AXDND1: variants seen among roughly 807,000 people sequenced by gnomAD.
AXDND1 encodes the protein axonemal dynein light chain domain-containing protein 1.
AXDND1 carries 110 observed loss-of-function variants against 137.5 expected under a neutral mutation model. The ratio of observed to expected loss-of-function variants is 0.80; its 90% confidence interval spans 0.69 to 0.94. The LOEUF (loss-of-function observed/expected upper bound fraction) is 0.94. Among genes scored for constraint, AXDND1 ranks in the 40% least tolerant of loss-of-function variants. The pLI is 0.00. For missense variants in AXDND1, 1,191 were observed against 1,169.8 expected (o/e 1.02, Z -0.26); for synonymous variants, 414 against 399.7 (o/e 1.04, Z -0.43).
At chr1:179,464,801 CTTTG>C (rs1412826850) in intron 16 of AXDND1, among the ~76,000 whole-genome samples, 3 of 152,260 alleles carry the variant, frequency 2.0e-5, no homozygotes, top group Non-Finnish European at 2.9e-5. Context: ...TTCTTGGAGG[CTTTG>C]TTTGTTTCTT....
chr1:179,525,208 C>T, intron 21 of AXDND1, 126 bp from the exon 22 acceptor site: 2 of 938,856 alleles, frequency 2.1e-6, no homozygotes, highest in Non-Finnish European at 3.0e-6. Flanking sequence ...CTATTCTTAT[C>T]AACCTTTGTA....
intron 11 of AXDND1, among the ~76,000 whole-genome samples, chr1:179,402,500 T>C (rs1422520647): frequency 6.6e-6 from 1 of 152,214 alleles, no homozygotes; most frequent in African/African-American, 2.4e-5. Flanking sequence ...TTAACTATAG[T>C]CTGCTCCTTT....
chr1:179,505,600 A>G (rs373031818), intron 20 of AXDND1, among the ~76,000 whole-genome samples: 1 of 151,550 alleles, frequency 6.6e-6, no homozygotes, highest in Non-Finnish European at 1.5e-5. Context: ...CCGAGCCGAG[A>G]TTGCTCCACT....
intron 12 of AXDND1, among the ~76,000 whole-genome samples, chr1:179,420,354 G>A (rs746858216): frequency 5.3e-5 from 8 of 152,092 alleles, no homozygotes; most frequent in Non-Finnish European, 8.8e-5. Flanking sequence ...CTTATATTTT[G>A]TGAGGATTTT....
At chr1:179,534,619 A>G in intron 24 of AXDND1, 111 bp from the exon 25 acceptor site, 6 of 1,360,918 alleles carry the variant, frequency 4.4e-6, no homozygotes, top group East Asian at 2.6e-5. Flanking sequence ...CCTTATTTCT[A>G]CCCTTCAGAC....
At chr1:179,398,303 G>A (rs150792902) in intron 11 of AXDND1, among the ~76,000 whole-genome samples, 19 of 152,276 alleles carry the variant, frequency 1.2e-4, no homozygotes, top group Admixed American at 2.6e-4. Context: ...CCAACTCTGG[G>A]GGACTTGTAT....
chr1:179,451,248 C>A (rs6661379), intron 16 of AXDND1: 3 of 151,806 alleles, frequency 2.0e-5, no homozygotes, highest in South Asian at 2.1e-4. Flanking sequence ...TTTTTGATTA[C>A]GGACTTAACC....
intron 4 of AXDND1, among the ~76,000 whole-genome samples, chr1:179,377,062 G>T (rs1647386263): frequency 1.3e-5 from 2 of 152,194 alleles, no homozygotes; most frequent in Middle Eastern, 6.8e-3. Flanking sequence ...CTCCCAAGCA[G>T]CTGGGACTAT....
intron 25 of AXDND1, among the ~76,000 whole-genome samples, chr1:179,549,865 G>A (rs1016060994): frequency 9.2e-5 from 14 of 151,986 alleles, no homozygotes; most frequent in African/African-American, 2.9e-4. Context: ...ATCATGCCCC[G>A]GCTGGTCCAT....
chr1:179,384,320 T>C (rs1456236277), intron 8 of AXDND1, among the ~76,000 whole-genome samples: 2 of 152,184 alleles, frequency 1.3e-5, no homozygotes, highest in Non-Finnish European at 2.9e-5. Context: ...ATCATGCCTC[T>C]TTAATACCCA....
intron 17 of AXDND1, among the ~76,000 whole-genome samples, chr1:179,472,514 G>T (rs956374688): frequency 1.2e-4 from 18 of 152,150 alleles, no homozygotes; most frequent in Non-Finnish European, 4.4e-5. Flanking sequence ...GGTCTAGTTG[G>T]TTTGTAGTAT....
At chr1:179,423,180 T>C (rs1381449579) in intron 12 of AXDND1, among the ~76,000 whole-genome samples, 1 of 143,218 alleles carries the variant, frequency 7.0e-6, no homozygotes, top group African/African-American at 2.6e-5. Context: ...ATTGAATCCT[T>C]TATAATTATA....
At chr1:179,541,985 T>C (rs193115996) in intron 25 of AXDND1, among the ~76,000 whole-genome samples, 70 of 152,314 alleles carry the variant, frequency 4.6e-4, no homozygotes, top group Admixed American at 3.7e-3. Context: ...ACATCATTTT[T>C]TAAAGGCAGA....
At chr1:179,383,378 T>C (rs1288790311) in intron 7 of AXDND1, 64 bp from the exon 8 acceptor site, 9 of 1,214,454 alleles carry the variant, frequency 7.4e-6, no homozygotes, top group Middle Eastern at 1.9e-4. Flanking sequence ...TTATATTCTT[T>C]TTGCCATTTG....
intron 21 of AXDND1, among the ~76,000 whole-genome samples, chr1:179,524,348 G>A (rs1670345829): frequency 6.6e-6 from 1 of 152,090 alleles, no homozygotes; most frequent in South Asian, 2.1e-4. Context: ...TTGCCTTTAG[G>A]ATATAATTTA....
At chr1:179,423,368 G>A (rs1656060512) in intron 12 of AXDND1, among the ~76,000 whole-genome samples, 1 of 152,066 alleles carries the variant, frequency 6.6e-6, no homozygotes, top group Non-Finnish European at 1.5e-5. Context: ...ATATTGTTGG[G>A]TCTTGTTGCT....
At chr1:179,530,651 A>C (rs1010595084) in intron 23 of AXDND1, among the ~76,000 whole-genome samples, 11 of 72,128 alleles carry the variant, frequency 1.5e-4, no homozygotes, top group African/African-American at 3.9e-4. Context: ...GTCCATGTTC[A>C]AAAGTCTAAG....
At chr1:179,521,538 T>C (rs1572159203) in intron 21 of AXDND1, among the ~76,000 whole-genome samples, 1 of 152,304 alleles carries the variant, frequency 6.6e-6, no homozygotes, top group Middle Eastern at 3.4e-3. Flanking sequence ...TTTCTGACTT[T>C]AGCAGGAATG....
At chr1:179,487,046 C>T (rs1355448796) in intron 18 of AXDND1, among the ~76,000 whole-genome samples, 1 of 148,606 alleles carries the variant, frequency 6.7e-6, no homozygotes, top group Non-Finnish European at 1.5e-5. Context: ...GAAACAAAAC[C>T]TAATAGTTTG....
Sources: gnomAD v4.1 joint callset for allele counts (sites outside exome capture counted in the v4.1 genomes callset) on GRCh38, gnomAD v4.1.1 for gene constraint, MANE v1.5 for transcripts, NCBI Gene and HGNC (gene_info 2026-07-23, HGNC 2026-07-21) for gene names.